The following SLIT2 variants were observed in gnomAD, a reference collection of about 807,000 sequenced individuals.
SLIT2 encodes the protein slit guidance ligand 2.
Under a neutral mutation model 185.7 loss-of-function variants are expected in SLIT2, and 41 were observed. That is an observed-to-expected ratio of 0.22 (90% CI 0.17 to 0.29). SLIT2 has a LOEUF of 0.29. Among genes scored for constraint, SLIT2 ranks in the 10% least tolerant of loss-of-function variants. The pLI, the probability that SLIT2 is intolerant of heterozygous loss-of-function variation, is 1.00. For synonymous variants in SLIT2, 693 were observed against 680.2 expected (o/e 1.02, Z -0.29); for missense variants, 1,571 against 1,909.0 (o/e 0.82, Z 3.30).
chr4:20,451,182 G>A (rs919552468), intron 4 of SLIT2, among the ~76,000 whole-genome samples: 57 of 152,112 alleles, frequency 3.7e-4, no homozygotes, highest in African/African-American at 1.2e-3. Context: ...CATCATCTCC[G>A]TTACACCTTC....
At chr4:20,509,554 G>A (rs1719518395) in intron 9 of SLIT2, among the ~76,000 whole-genome samples, 1 of 152,100 alleles carries the variant, frequency 6.6e-6, no homozygotes, top group Non-Finnish European at 1.5e-5. Context: ...TAGCCTGTTG[G>A]CAAATGAGCC....
intron 33 of SLIT2, among the ~76,000 whole-genome samples, chr4:20,601,138 C>A (rs1328895466): frequency 1.3e-5 from 2 of 152,016 alleles, no homozygotes; most frequent in Non-Finnish European, 2.9e-5. Flanking sequence ...ATTTTATATC[C>A]ATTTGATTTT....
At chr4:20,317,806 T>C (rs904486609) in intron 4 of SLIT2, among the ~76,000 whole-genome samples, 4 of 151,818 alleles carry the variant, frequency 2.6e-5, no homozygotes, top group African/African-American at 9.7e-5. Context: ...TCAAAATCAT[T>C]AAAAAAAATT....
intron 4 of SLIT2, 122 bp from the exon 5 acceptor site, chr4:20,467,630 T>A (rs1481927516): frequency 1.2e-5 from 6 of 514,554 alleles, no homozygotes; most frequent in Non-Finnish European, 2.1e-5. Flanking sequence ...TGGATTTAAT[T>A]ATGATCCTTT....
In SLIT2 at chr4:20,406,097, A is replaced by G. The variant is rs755516131; in HGVS notation, c.396-61655A>G. Among the ~76,000 whole-genome samples, 7 of 143,822 alleles carry G rather than the reference A, an allele frequency of 4.9e-5. 1 individual carries two copies. Among genetic ancestry groups the G allele is most frequent in the Non-Finnish European group, 7.7e-5 (5 of 64,574 alleles). The allele number at this position is 143,822 out of a possible 152,430, so 94.4% of individuals were successfully genotyped here. ...TCTTCTCAATAATGGTCCCAGGTCA[A>G]TAGATTTACACAGGTAAACAACTGA... On this transcript the variant is annotated intron_variant, in intron 4 of 36. Coordinates refer to ENST00000504154, the MANE Select transcript of SLIT2 (RefSeq NM_004787.4).
At chr4:20,527,560 C>T (rs529940788) in intron 15 of SLIT2, among the ~76,000 whole-genome samples, 4 of 152,302 alleles carry the variant, frequency 2.6e-5, no homozygotes, top group South Asian at 2.1e-4. Flanking sequence ...GCTAGTATTA[C>T]AGGCGTGAGC....
chr4:20,354,155 A>C (rs527506229), intron 4 of SLIT2, among the ~76,000 whole-genome samples: 1 of 151,930 alleles, frequency 6.6e-6, no homozygotes, highest in South Asian at 2.1e-4. Flanking sequence ...TCAATTTGTC[A>C]TTTTTGTATA....
intron 4 of SLIT2, among the ~76,000 whole-genome samples, chr4:20,327,405 A>G (rs1719682997): frequency 6.6e-6 from 1 of 152,168 alleles, no homozygotes; most frequent in East Asian, 1.9e-4. Context: ...GGATGGGGAA[A>G]ATCCTAAAAA....
At chr4:20,438,366 A>G (rs1433474584) in intron 4 of SLIT2, among the ~76,000 whole-genome samples, 1 of 152,192 alleles carries the variant, frequency 6.6e-6, no homozygotes, top group African/African-American at 2.4e-5. Flanking sequence ...GGCAAGGAGG[A>G]GTAAGTCACA....
intron 20 of SLIT2, 135 bp from the exon 21 acceptor site, chr4:20,542,359 C>A: frequency 2.3e-6 from 2 of 859,634 alleles, no homozygotes; most frequent in Non-Finnish European, 1.9e-6. Flanking sequence ...TTAGTAAATA[C>A]TGAATGTCCC....
chr4:20,443,572 G>T (rs965767242), intron 4 of SLIT2, among the ~76,000 whole-genome samples: 8 of 105,140 alleles, frequency 7.6e-5, no homozygotes, highest in African/African-American at 1.1e-4. Context: ...TATTAGCAGA[G>T]GAGAAAATCT....
chr4:20,535,896 C>T (rs1012448988), intron 18 of SLIT2, among the ~76,000 whole-genome samples: 23 of 152,096 alleles, frequency 1.5e-4, no homozygotes, highest in African/African-American at 4.8e-4. Context: ...CATTAGGCAA[C>T]GTTGCCATTG....
intron 26 of SLIT2, among the ~76,000 whole-genome samples, chr4:20,563,649 C>T (rs1724869736): frequency 6.6e-6 from 1 of 151,796 alleles, no homozygotes; most frequent in Non-Finnish European, 1.5e-5. Context: ...ATATAGAAGG[C>T]TCTCAGGGAG....
chr4:20,495,796 T>A (rs1718180975), intron 9 of SLIT2, among the ~76,000 whole-genome samples: 1 of 152,192 alleles, frequency 6.6e-6, no homozygotes, highest in South Asian at 2.1e-4. Flanking sequence ...GATCCTCAAC[T>A]CAACAAGATA....
chr4:20,279,382 T>C (rs1305374354), intron 4 of SLIT2, among the ~76,000 whole-genome samples: 1 of 152,180 alleles, frequency 6.6e-6, no homozygotes. Context: ...TGCCTGGAAA[T>C]TCCCAGCATT....
intron 18 of SLIT2, among the ~76,000 whole-genome samples, chr4:20,536,569 A>C (rs899376934): frequency 2.7e-5 from 4 of 150,872 alleles, no homozygotes; most frequent in Non-Finnish European, 4.4e-5. Context: ...AAAAAAAAAA[A>C]AAAAAAAAAA....
rs776753348 is a variant in SLIT2, at chr4:20,595,827, G to GGTTACAGGTAAAAGCAGAAAT, written c.3315_3320+15dup. 1.2e-6 allele frequency: 2 copies of GGTTACAGGTAAAAGCAGAAAT among 1,613,464 alleles called. No homozygotes were observed. Among genetic ancestry groups the GGTTACAGGTAAAAGCAGAAAT allele is most frequent in the Non-Finnish European group, 1.7e-6 (2 of 1,179,502 alleles). On this transcript the variant is annotated stop_gained and inframe_insertion, in exon 31 of 37. Transcript: ENST00000504154. LOFTEE classifies it high-confidence loss of function. Reference sequence around the variant, plus strand: ...CGGCTATACGTGCATATGCCCCGAAGGTTACAGGTAAAAGCAGAAATGAAT... The same window carrying GGTTACAGGTAAAAGCAGAAAT: ...CGGCTATACGTGCATATGCCCCGAAGGTTACAGGTAAAAGCAGAAATGTTACAGGTAAAAGCAGAAATGAAT...
chr4:20,361,884 A>G (rs1196685312), intron 4 of SLIT2, among the ~76,000 whole-genome samples: 1 of 152,102 alleles, frequency 6.6e-6, no homozygotes, highest in East Asian at 1.9e-4. Flanking sequence ...CAGCCCAATG[A>G]GTTTCTGTAA....
intron 4 of SLIT2, among the ~76,000 whole-genome samples, chr4:20,356,300 C>T (rs1161546453): frequency 2.0e-5 from 3 of 152,130 alleles, no homozygotes; most frequent in Non-Finnish European, 4.4e-5. Context: ...TTCCTCTCCA[C>T]CCAGGTCAAA....
Sources: gnomAD v4.1 joint callset for allele counts (sites outside exome capture counted in the v4.1 genomes callset) on GRCh38, gnomAD v4.1.1 for gene constraint, MANE v1.5 for transcripts, NCBI Gene and HGNC (gene_info 2026-07-23, HGNC 2026-07-21) for gene names.